The following SCARA3 variants were observed in gnomAD, a reference collection of about 807,000 sequenced individuals.
The protein encoded by SCARA3 is cellular stress response gene protein.
A neutral mutation model predicts 47.0 loss-of-function variants in SCARA3; 39 were observed. The observed-to-expected ratio is 0.83, with a 90% CI of 0.64 to 1.08. SCARA3 has a LOEUF of 1.08. Among genes scored for constraint, SCARA3 ranks in the 50% least tolerant of loss-of-function variants. The pLI, the probability that SCARA3 is intolerant of heterozygous loss-of-function variation, is 0.00. For missense variants in SCARA3, 724 were observed against 792.3 expected, an observed-to-expected ratio of 0.91 and a Z score of 1.04; for synonymous variants, 356 against 334.1, an observed-to-expected ratio of 1.07 and a Z score of -0.71.
intron 2 of SCARA3, 127 bp from the exon 3 acceptor site, chr8:27,651,381 G>C (rs1473006385): frequency 8.4e-7 from 1 of 1,185,846 alleles, no homozygotes; most frequent in Admixed American, 2.5e-5. Context: ...TGAGGGTCGA[G>C]AACAGCTCCC....
the SCARA3 span, among the ~76,000 whole-genome samples, chr8:27,706,107 G>T: frequency 6.6e-6 from 1 of 152,030 alleles, no homozygotes; most frequent in Non-Finnish European, 1.5e-5. Flanking sequence ...GGGAGTGAAG[G>T]TCTGACTATG....
the SCARA3 span, among the ~76,000 whole-genome samples, chr8:27,729,044 A>C: frequency 6.6e-6 from 1 of 152,176 alleles, no homozygotes; most frequent in Admixed American, 6.5e-5. Context: ...CAGCCTAGGC[A>C]ACAGAGCAAG....
the SCARA3 span, among the ~76,000 whole-genome samples, chr8:27,694,642 T>A: frequency 2.6e-5 from 4 of 152,086 alleles, no homozygotes; most frequent in Non-Finnish European, 5.9e-5. Flanking sequence ...GGGGAGTGTA[T>A]GGGAGTAAGA....
At chr8:27,667,885 C>T (rs1208140002) in intron 5 of SCARA3, among the ~76,000 whole-genome samples, 1 of 152,194 alleles carries the variant, frequency 6.6e-6, no homozygotes, top group Non-Finnish European at 1.5e-5. Context: ...TGTAGACAGG[C>T]CCCCGATAAC....
At chr8:27,732,570 T>C in the SCARA3 span, among the ~76,000 whole-genome samples, 1 of 152,140 alleles carries the variant, frequency 6.6e-6, no homozygotes, top group Admixed American at 6.5e-5. Flanking sequence ...TGGCATTGGG[T>C]AGGTATTTGT....
At chr8:27,650,033 G>A (rs537184346) in intron 2 of SCARA3, among the ~76,000 whole-genome samples, 19 of 152,276 alleles carry the variant, frequency 1.2e-4, no homozygotes, top group African/African-American at 3.6e-4. Flanking sequence ...TTGCTGTGTC[G>A]TCCAGGCTAG....
chr8:27,706,787 T>G, the SCARA3 span, among the ~76,000 whole-genome samples: 1 of 151,972 alleles, frequency 6.6e-6, no homozygotes, highest in Non-Finnish European at 1.5e-5. Context: ...GTCGGGACTA[T>G]TTTTGGACTG....
At position 27,672,630 on chromosome 8, in the gene SCARA3, T is replaced by G; in HGVS notation, c.*1279T>G. 1 of 985,532 alleles carries G rather than the reference T, an allele frequency of 1.0e-6. No individual in the cohort carries two copies. Among genetic ancestry groups the G allele is most frequent in the Non-Finnish European group, 1.2e-6 (1 of 830,032 alleles). 61.0% of individuals were successfully genotyped at this position (985,532 alleles called of 1,614,324 possible). On this transcript the variant is annotated 3_prime_UTR_variant, in exon 6 of 6. Coordinates refer to ENST00000301904, the MANE Select transcript of SCARA3 (RefSeq NM_016240.3). ...AGCTGGACTAGGAGTGGGAAGGGCC[T>G]GGACACTCACAGAGGCCCCCTCTGT...
intron 1 of SCARA3, among the ~76,000 whole-genome samples, chr8:27,638,864 G>A (rs1180109453): frequency 6.6e-6 from 1 of 152,150 alleles, no homozygotes; most frequent in Admixed American, 6.5e-5. Flanking sequence ...CTCTTTTCCT[G>A]GCTTTCCTTC....
At chr8:27,710,399 G>A in the SCARA3 span, among the ~76,000 whole-genome samples, 2 of 152,048 alleles carry the variant, frequency 1.3e-5, no homozygotes, top group Non-Finnish European at 2.9e-5. Context: ...TATACATACA[G>A]CCTCTTTTGC....
At chr8:27,682,686 A>G in the SCARA3 span, among the ~76,000 whole-genome samples, 2 of 152,174 alleles carry the variant, frequency 1.3e-5, no homozygotes, top group African/African-American at 4.8e-5. Context: ...CTACACTCAT[A>G]ATAGAATAGT....
chr8:27,681,230 T>C (rs1385152564), downstream of SCARA3, among the ~76,000 whole-genome samples: 1 of 152,150 alleles, frequency 6.6e-6, no homozygotes. Flanking sequence ...AATAAATTCC[T>C]AAGGAAGTTA....
the SCARA3 span, among the ~76,000 whole-genome samples, chr8:27,729,650 A>G: frequency 6.6e-6 from 1 of 151,614 alleles, no homozygotes; most frequent in Admixed American, 6.6e-5. Flanking sequence ...AATTAGCCAG[A>G]CGTGTTGGTG....
At chr8:27,681,118 A>G (rs1369807717), downstream of SCARA3, among the ~76,000 whole-genome samples, 1 of 152,238 alleles carries the variant, frequency 6.6e-6, no homozygotes, top group African/African-American at 2.4e-5. Flanking sequence ...CTTACAGCCA[A>G]CATTGTACTG....
chr8:27,637,380 G>T (rs1310071940), intron 1 of SCARA3, among the ~76,000 whole-genome samples: 1 of 152,216 alleles, frequency 6.6e-6, no homozygotes, highest in African/African-American at 2.4e-5. Flanking sequence ...GCCACCTGTG[G>T]GGTTGTTTCC....
At chr8:27,652,789 G>C (rs1037107552) in intron 3 of SCARA3, among the ~76,000 whole-genome samples, 3 of 152,152 alleles carry the variant, frequency 2.0e-5, no homozygotes, top group African/African-American at 7.2e-5. Context: ...TCTTGTCAGG[G>C]GATACTGGAA....
intron 1 of SCARA3, among the ~76,000 whole-genome samples, chr8:27,643,171 AG>A (rs1308390125): frequency 6.6e-6 from 1 of 152,214 alleles, no homozygotes; most frequent in African/African-American, 2.4e-5. Context: ...CACCTGGAAT[AG>A]GGTCCAAGTT....
chr8:27,708,602 A>G, the SCARA3 span, among the ~76,000 whole-genome samples: 2 of 152,180 alleles, frequency 1.3e-5, no homozygotes, highest in African/African-American at 4.8e-5. Flanking sequence ...TACCAAAAGA[A>G]AGGGTGAAAA....
downstream of SCARA3, among the ~76,000 whole-genome samples, chr8:27,681,737 C>T (rs532773477): frequency 1.3e-5 from 2 of 152,194 alleles, no homozygotes; most frequent in East Asian, 3.9e-4. Context: ...ATAAAGTAAA[C>T]AAATCTCTAC....
Sources: gnomAD v4.1 joint callset for allele counts (sites outside exome capture counted in the v4.1 genomes callset) on GRCh38, gnomAD v4.1.1 for gene constraint, MANE v1.5 for transcripts, NCBI Gene and HGNC (gene_info 2026-07-23, HGNC 2026-07-21) for gene names.